Variants in ZFHX3 observed in about 807,000 individuals in gnomAD.
ZFHX3 encodes the protein zinc finger homeobox 3.
Under a neutral mutation model 279.1 loss-of-function variants are expected in ZFHX3, and 42 were observed. The observed-to-expected ratio is 0.15, with a 90% CI of 0.12 to 0.19. ZFHX3 has a LOEUF of 0.19. Among genes scored for constraint, ZFHX3 ranks in the 10% least tolerant of loss-of-function variants. The pLI is 1.00. For synonymous variants in ZFHX3, 2,293 were observed against 1,957.8 expected (o/e 1.17, Z -4.52); for missense variants, 4,981 against 4,754.0 (o/e 1.05, Z -1.40).
chr16:73,629,459 C>T (rs555842860), intron 2 of ZFHX3, among the ~76,000 whole-genome samples: 22 of 152,088 alleles, frequency 1.4e-4, no homozygotes, highest in East Asian at 7.7e-4. Flanking sequence ...ACACCCAAAT[C>T]GAAATTTCAT....
At chr16:73,843,311 G>T (rs773138919) in intron 1 of ZFHX3, among the ~76,000 whole-genome samples, 1 of 152,150 alleles carries the variant, frequency 6.6e-6, no homozygotes, top group Non-Finnish European at 1.5e-5. Flanking sequence ...CAGCTGAAAA[G>T]CCCCAAGTTG....
rs1445625385 is a variant in ZFHX3, at chr16:72,788,310, C to G, written c.9966G>C (p.Gln3322His). The part of the protein sequence containing the change: ...VPGFSPYYAP[Q>H]IPGALQSGYL... The stretch of plus-strand genomic sequence containing the variant: ...ACCCGCTCTGCAGGGCGCCAGGGAT[C>G]TGGGGAGCATAATAAGGAGAAAAGC... Residue 3322 changes from glutamine to histidine, a missense_variant, in exon 10 of 10, where the codon CAG (glutamine) becomes CAC (histidine). By Grantham distance (24) the Gln-to-His change is conservative (BLOSUM62 0). Around this residue, in one of 7 missense-constraint regions of ZFHX3, gnomAD observed 1,034 missense variants for 786.0 expected, o/e 1.32. Coordinates refer to ENST00000268489, the MANE Select transcript of ZFHX3 (RefSeq NM_006885.4). 1.9e-6 allele frequency: 3 copies of G among 1,614,038 alleles called. No homozygotes were observed. Among genetic ancestry groups the G allele is most frequent in the Non-Finnish European group, 2.5e-6 (3 of 1,180,042 alleles).
At chr16:73,374,238 A>T (rs1671638105) in intron 3 of ZFHX3, among the ~76,000 whole-genome samples, 1 of 152,222 alleles carries the variant, frequency 6.6e-6, no homozygotes, top group Admixed American at 6.5e-5. Context: ...CATATATATA[A>T]TTGTATAGTA....
intron 2 of ZFHX3, among the ~76,000 whole-genome samples, chr16:73,586,801 T>C (rs879703725): frequency 6.6e-6 from 1 of 152,194 alleles, no homozygotes; most frequent in Admixed American, 6.5e-5. Flanking sequence ...TTTTACCACA[T>C]GAAATAGTTA....
chr16:73,379,114 A>G (rs1192459877), intron 3 of ZFHX3, among the ~76,000 whole-genome samples: 1 of 152,148 alleles, frequency 6.6e-6, no homozygotes, highest in African/African-American at 2.4e-5. Flanking sequence ...AGATTTCTAT[A>G]CCCTTGTATC....
At chr16:73,740,495 ACATCTCTCTTTGGCCCTTTGCTT>A (rs1188912009) in intron 1 of ZFHX3, among the ~76,000 whole-genome samples, 3 of 152,126 alleles carry the variant, frequency 2.0e-5, no homozygotes, top group Non-Finnish European at 2.9e-5. Context: ...TAATTGTTCC[ACATCTCTCTTTGGCCCTTTGCTT>A]CTCAAATCAT....
At chr16:72,949,209 A>T (rs1862123215) in intron 3 of ZFHX3, among the ~76,000 whole-genome samples, 1 of 152,194 alleles carries the variant, frequency 6.6e-6, no homozygotes, top group South Asian at 2.1e-4. Context: ...CCTTATATGG[A>T]ATCTCCGTTT....
At chr16:73,539,433 C>CTTCT (rs2019970949) in intron 2 of ZFHX3, among the ~76,000 whole-genome samples, 1 of 65,086 alleles carries the variant, frequency 1.5e-5, no homozygotes, top group African/African-American at 5.7e-5. Context: ...TCCTCTTCTT[C>CTTCT]TTTTTTTTTT....
intron 1 of ZFHX3, among the ~76,000 whole-genome samples, chr16:72,994,011 C>A (rs1438033802): frequency 6.6e-6 from 1 of 152,166 alleles, no homozygotes; most frequent in Non-Finnish European, 1.5e-5. Flanking sequence ...GCCCCGACGA[C>A]AGATTTCTCA....
chr16:73,800,245 T>C (rs1960105293), intron 1 of ZFHX3, among the ~76,000 whole-genome samples: 1 of 150,782 alleles, frequency 6.6e-6, no homozygotes, highest in Non-Finnish European at 1.5e-5. Context: ...TTAGATGGAG[T>C]CTCACTCTGT....
intron 7 of ZFHX3, 108 bp downstream of exon 7, chr16:72,811,469 C>T: frequency 8.2e-7 from 1 of 1,213,386 alleles, no homozygotes; most frequent in Non-Finnish European, 1.1e-6. Context: ...CTGACGTTTC[C>T]AACTCTACAC....
intron 5 of ZFHX3, among the ~76,000 whole-genome samples, chr16:73,192,342 A>T (rs973229925): frequency 3.3e-5 from 5 of 152,082 alleles, no homozygotes; most frequent in African/African-American, 1.2e-4. Context: ...AGGTGCTGAA[A>T]CCCAAACCAC....
In ZFHX3 at chr16:73,178,301, C is replaced by A. The variant is rs552762564; in HGVS notation, c.-1103-34470G>T. On this transcript the variant is annotated intron_variant, in intron 5 of 17. Transcript: ENST00000641206. ...TACAGGCACCCGCCACAACACCCAG[C>A]TATTTTTTTGAATTTTTAGTAGAGA... is the stretch of plus-strand genomic sequence containing the variant. Among the ~76,000 whole-genome samples, 113 of 152,144 alleles carry A rather than the reference C, an allele frequency of 7.4e-4. No individual in the cohort carries two copies. The South Asian group carries it at 7.7e-3, about 10-fold the overall frequency.
intron 3 of ZFHX3, among the ~76,000 whole-genome samples, chr16:73,384,726 C>A (rs910981823): frequency 3.3e-5 from 5 of 152,214 alleles, no homozygotes; most frequent in African/African-American, 1.2e-4. Context: ...TTTAGTTCAT[C>A]AACAGCCACA....
intron 1 of ZFHX3, among the ~76,000 whole-genome samples, chr16:73,776,457 T>A (rs953262557): frequency 6.6e-6 from 1 of 152,142 alleles, no homozygotes. Flanking sequence ...ATAATTTAGA[T>A]CTTTAAAAAA....
At position 73,272,125 on chromosome 16, in the gene ZFHX3, A is replaced by G. The variant is rs8046816; in HGVS notation, c.-1193-14989T>C. On this transcript the variant is annotated intron_variant, in intron 4 of 17. Transcript: ENST00000641206. ...TCTGAAGCAAAAATGAGAAAAGAGC[A>G]GGTAGAGCTAACCGTATTTATTTAA... Among the ~76,000 whole-genome samples the G allele has an allele frequency of 9.2e-5, 14 of 152,102 alleles. No individual in the cohort carries two copies. The South Asian group carries it at 2.9e-3, about 32-fold the overall frequency.
At chr16:73,497,126 G>C (rs958460319) in intron 2 of ZFHX3, among the ~76,000 whole-genome samples, 1 of 152,288 alleles carries the variant, frequency 6.6e-6, no homozygotes, top group East Asian at 1.9e-4. Flanking sequence ...CTTTCCTGTA[G>C]AAAGTTTTAT....
chr16:73,009,971 A>T (rs1963853523), intron 1 of ZFHX3, among the ~76,000 whole-genome samples: 1 of 148,798 alleles, frequency 6.7e-6, no homozygotes, highest in South Asian at 2.2e-4. Context: ...CAGTGAGCCG[A>T]GATTGCATCA....
intron 5 of ZFHX3, among the ~76,000 whole-genome samples, chr16:73,206,708 C>T (rs944341834): frequency 1.3e-5 from 2 of 152,048 alleles, no homozygotes; most frequent in Non-Finnish European, 2.9e-5. Context: ...TACAATTAAA[C>T]AGAATGCTCA....
Sources: allele counts gnomAD v4.1 joint callset (sites outside exome capture counted in the v4.1 genomes callset), GRCh38; gene constraint gnomAD v4.1.1; regional missense constraint gnomAD v4.1.1; transcripts MANE v1.5; gene names NCBI Gene and HGNC (gene_info 2026-07-23, HGNC 2026-07-21).